Variants in PHF14 observed in about 807,000 individuals in gnomAD.
PHF14 encodes the protein PHD finger protein 14.
In PHF14, 55 loss-of-function variants were observed where a neutral mutation model predicts 117.9. The observed-to-expected ratio is 0.47, with a 90% CI of 0.38 to 0.58. PHF14 has a LOEUF of 0.58. PHF14 is among the 20% of genes least tolerant of loss of function. The probability of loss-of-function intolerance (pLI) is 0.00; values close to 1 mark genes in which losing one functional copy is unlikely to be tolerated. For missense variants in PHF14, 978 were observed against 1,122.2 expected (o/e 0.87, Z 1.84); for synonymous variants, 409 against 368.6 (o/e 1.11, Z -1.26).
At chr7:11,003,089 T>C (rs1406926936) in intron 4 of PHF14, among the ~76,000 whole-genome samples, 4 of 152,132 alleles carry the variant, frequency 2.6e-5, no homozygotes, top group African/African-American at 9.7e-5. Flanking sequence ...TACAGGCGTG[T>C]GCCACCACAC....
intron 8 of PHF14, 120 bp from the exon 9 acceptor site, chr7:11,036,298 T>G (rs1421592089): frequency 3.5e-6 from 3 of 849,452 alleles, no homozygotes; most frequent in Non-Finnish European, 5.5e-6. Context: ...TATAATTTGC[T>G]TTGGTGTGAG....
chr7:11,038,430 C>CA (rs958555910), intron 10 of PHF14, among the ~76,000 whole-genome samples: 1,266 of 50,202 alleles, frequency 0.025, 9 homozygotes, highest in Middle Eastern at 0.14. Flanking sequence ...GACTCCATCT[C>CA]AAAAAAAAAA....
intron 4 of PHF14, among the ~76,000 whole-genome samples, chr7:10,991,464 C>T (rs879464061): frequency 1.6e-4 from 25 of 152,012 alleles, no homozygotes; most frequent in African/African-American, 5.1e-4. Context: ...CGTGAACTAC[C>T]GCGCCCGGCC....
At chr7:10,999,781 A>G in intron 4 of PHF14, among the ~76,000 whole-genome samples, 1 of 152,242 alleles carries the variant, frequency 6.6e-6, no homozygotes, top group Admixed American at 6.5e-5. Flanking sequence ...AAGGCAGACA[A>G]ATGAGATGAT....
At chr7:11,089,618 A>G (rs929481782) in intron 16 of PHF14, among the ~76,000 whole-genome samples, 1 of 152,260 alleles carries the variant, frequency 6.6e-6, no homozygotes, top group African/African-American at 2.4e-5. Flanking sequence ...ATATGTCTAT[A>G]TTCTTCAAAT....
intron 16 of PHF14, chr7:11,104,412 T>A (rs970157910): frequency 1.0e-6 from 1 of 952,538 alleles, no homozygotes; most frequent in Admixed American, 6.2e-5. Flanking sequence ...TGCTCTCATA[T>A]CCACAGTATA....
chr7:11,076,207 A>G (rs376714902), intron 16 of PHF14, among the ~76,000 whole-genome samples: 2 of 152,242 alleles, frequency 1.3e-5, no homozygotes, highest in African/African-American at 2.4e-5. Context: ...TTTAACCTCT[A>G]TAGTCTCAGC....
chr7:11,138,420 T>A (rs2128350308), intron 17 of PHF14, among the ~76,000 whole-genome samples: 1 of 152,280 alleles, frequency 6.6e-6, no homozygotes, highest in East Asian at 1.9e-4. Flanking sequence ...CATAATCAAC[T>A]TTTACCCACT....
intron 4 of PHF14, among the ~76,000 whole-genome samples, chr7:11,000,114 T>A (rs1782808368): frequency 6.6e-6 from 1 of 152,166 alleles, no homozygotes; most frequent in Admixed American, 6.5e-5. Context: ...TTGAATTCTG[T>A]GAACTTTATA....
chr7:11,140,576 A>G (rs1271088035), intron 17 of PHF14, among the ~76,000 whole-genome samples: 2 of 152,150 alleles, frequency 1.3e-5, no homozygotes, highest in African/African-American at 4.8e-5. Flanking sequence ...TTCAGCAATA[A>G]TGAGCTATGG....
intron 13 of PHF14, among the ~76,000 whole-genome samples, chr7:11,043,376 A>G (rs1281086131): frequency 6.6e-6 from 1 of 151,822 alleles, no homozygotes; most frequent in Non-Finnish European, 1.5e-5. Flanking sequence ...TCTTAATTTT[A>G]CTCCAAGAAA....
rs1381205060 is a variant in PHF14 at position 10,983,051 on chromosome 7, T to A, written c.792T>A (p.Ser264Arg). The A allele has an allele frequency of 6.3e-7, 1 of 1,595,642 alleles. No individual in the cohort carries two copies. Among genetic ancestry groups the A allele is most frequent in the Admixed American group, 1.7e-5 (1 of 58,918 alleles). ...GNDEDHSSPA[S>R]EGGCKKKKSK... ...ATGAAGATCATAGTAGCCCTGCCAG[T>A]GAAGGGGGTTGCAAGAAGAAGAAGA... The change falls in exon 3 of 18, where the codon AGT becomes AGA. Residue 264 changes from serine to arginine, a missense_variant. By Grantham distance (110) the Ser-to-Arg change is moderately radical. Transcript: ENST00000634607.
At chr7:11,089,782 T>A (rs112331061) in intron 16 of PHF14, among the ~76,000 whole-genome samples, 1 of 134,370 alleles carries the variant, frequency 7.4e-6, no homozygotes, top group African/African-American at 2.8e-5. Flanking sequence ...TTTTTTTTTT[T>A]TTTTTGAGAC....
chr7:10,976,181 G>A (rs1330421576), intron 2 of PHF14, among the ~76,000 whole-genome samples: 1 of 152,106 alleles, frequency 6.6e-6, no homozygotes, highest in Non-Finnish European at 1.5e-5. Flanking sequence ...AACAGAAACT[G>A]ACTATTTGGT....
chr7:11,084,209 C>A (rs1412253848), intron 16 of PHF14, among the ~76,000 whole-genome samples: 1 of 152,100 alleles, frequency 6.6e-6, no homozygotes, highest in Admixed American at 6.5e-5. Flanking sequence ...TGTACACACA[C>A]ACAATCTGAA....
chr7:11,010,399 T>A (rs1004238559), intron 4 of PHF14, among the ~76,000 whole-genome samples: 1 of 152,084 alleles, frequency 6.6e-6, no homozygotes, highest in African/African-American at 2.4e-5. Context: ...ATTAATGAGT[T>A]TTGATTCCTT....
intron 14 of PHF14, among the ~76,000 whole-genome samples, chr7:11,053,224 C>T (rs1784900651): frequency 6.6e-6 from 1 of 152,008 alleles, no homozygotes; most frequent in African/African-American, 2.4e-5. Flanking sequence ...ATTATAATCA[C>T]TTAAAAGATC....
intron 12 of PHF14, 135 bp from the exon 13 acceptor site, chr7:11,042,547 GA>G (rs1228736301): frequency 1.8e-6 from 1 of 565,424 alleles, no homozygotes; most frequent in Non-Finnish European, 3.0e-6. Context: ...GTTAATGAAA[GA>G]AATTGTCTAT....
chr7:11,121,885 TGTCCAGAACGTA>T (rs1246371032), intron 17 of PHF14, among the ~76,000 whole-genome samples: 1 of 151,942 alleles, frequency 6.6e-6, no homozygotes, highest in Non-Finnish European at 1.5e-5. Flanking sequence ...CTGGGGTACG[TGTCCAGAACGTA>T]CAGGTTTGTT....
Sources: allele counts gnomAD v4.1 joint callset (sites outside exome capture counted in the v4.1 genomes callset), GRCh38; gene constraint gnomAD v4.1.1; transcripts MANE v1.5; gene names NCBI Gene and HGNC (gene_info 2026-07-23, HGNC 2026-07-21).